Variants in FIP1L1 observed in about 807,000 individuals in gnomAD.
FIP1L1 encodes pre-mRNA 3'-end-processing factor FIP1.
Under a neutral mutation model 84.6 loss-of-function variants are expected in FIP1L1, and 21 were observed. The ratio of observed to expected loss-of-function variants is 0.25; its 90% CI spans 0.18 to 0.36. The LOEUF is 0.36. Ranked by LOEUF, FIP1L1 falls within the 10% of genes least tolerant of loss-of-function variation. FIP1L1 has a pLI of 1.00. For missense variants in FIP1L1, 526 were observed against 751.1 expected, an observed-to-expected ratio of 0.70 and a Z score of 3.50; for synonymous variants, 263 against 242.3, an observed-to-expected ratio of 1.09 and a Z score of -0.80.
At chr4:53,456,665 G>C (rs1430272268) in intron 16 of FIP1L1, among the ~76,000 whole-genome samples, 1 of 152,116 alleles carries the variant, frequency 6.6e-6, no homozygotes, top group Non-Finnish European at 1.5e-5. Context: ...CCAGAAAGAA[G>C]GCTGGTCATT....
chr4:53,426,047 A>AT, intron 12 of FIP1L1, 82 bp downstream of exon 12: 1 of 939,042 alleles, frequency 1.1e-6, no homozygotes, highest in Non-Finnish European at 1.6e-6. Context: ...ATAGATAGTC[A>AT]TAGTGCTATG....
chr4:53,388,630 C>T (rs533420940), intron 5 of FIP1L1, among the ~76,000 whole-genome samples: 10 of 152,302 alleles, frequency 6.6e-5, no homozygotes, highest in Admixed American at 2.6e-4. Flanking sequence ...CCGCCGTGCC[C>T]GGCCGTCTTA....
chr4:53,426,252 A>G (rs905416476), intron 12 of FIP1L1, among the ~76,000 whole-genome samples: 1 of 152,098 alleles, frequency 6.6e-6, no homozygotes, highest in Non-Finnish European at 1.5e-5. Context: ...AGATTTTGAA[A>G]TGTTTGGATT....
At chr4:53,411,046 C>T (rs1463365595) in intron 10 of FIP1L1, among the ~76,000 whole-genome samples, 2 of 152,110 alleles carry the variant, frequency 1.3e-5, no homozygotes. Flanking sequence ...AGTCTTGTCG[C>T]TGCTTTTTGG....
chr4:53,391,303 C>T (rs1255636835), intron 8 of FIP1L1, 127 bp from the exon 9 acceptor site: 18 of 1,161,128 alleles, frequency 1.6e-5, no homozygotes, highest in Admixed American at 6.5e-5. Flanking sequence ...TTTAGAGTTT[C>T]GTATTTAATG....
intron 12 of FIP1L1, among the ~76,000 whole-genome samples, chr4:53,426,916 C>A (rs1764575497): frequency 6.6e-6 from 1 of 151,772 alleles, no homozygotes; most frequent in South Asian, 2.1e-4. Context: ...TCCAGCTATT[C>A]ATTTTGGCCA....
At position 53,377,702 on chromosome 4, in the gene FIP1L1, C is replaced by T. The variant is rs1021195111; in HGVS notation, c.-137C>T. 1.3e-6 allele frequency: 1 copy of T among 745,470 alleles called. No homozygotes were observed. Among genetic ancestry groups the T allele is most frequent in the Non-Finnish European group, 2.0e-6 (1 of 490,644 alleles). The allele number at this position is 745,470 out of a possible 1,614,324, so 46.2% of individuals were successfully genotyped here. ...CTTTGCCGCCGCTGCCGTCGCCTTCCTGGGATTGGAGTCTCGAGCTTTCTT... is the reference window on the plus strand; with the variant it reads ...CTTTGCCGCCGCTGCCGTCGCCTTCTTGGGATTGGAGTCTCGAGCTTTCTT... On this transcript the variant is annotated 5_prime_UTR_variant, in exon 1 of 18. Transcript: ENST00000337488.
At chr4:53,403,927 A>G (rs1050109219) in intron 10 of FIP1L1, among the ~76,000 whole-genome samples, 1 of 152,062 alleles carries the variant, frequency 6.6e-6, no homozygotes, top group African/African-American at 2.4e-5. Context: ...TTTCTGGTGC[A>G]AGTTTGGCTT....
At chr4:53,417,366 C>T (rs1449286198) in intron 11 of FIP1L1, among the ~76,000 whole-genome samples, 1 of 152,030 alleles carries the variant, frequency 6.6e-6, no homozygotes, top group East Asian at 1.9e-4. Flanking sequence ...AATAGCCTGG[C>T]TGTGGTGGCT....
At chr4:53,445,187 G>T (rs187379266) in intron 15 of FIP1L1, among the ~76,000 whole-genome samples, 1 of 152,266 alleles carries the variant, frequency 6.6e-6, no homozygotes, top group African/African-American at 2.4e-5. Flanking sequence ...AGGGCTGTGT[G>T]GAACCAGTTA....
chr4:53,377,686 C>T lies in FIP1L1; in HGVS notation c.-153C>T, dbSNP rs1035114359. 20 of 651,740 alleles carry T rather than the reference C, an allele frequency of 3.1e-5. No homozygotes were observed. The South Asian group carries it at 3.4e-4, about 11-fold the overall frequency. 40.4% of individuals were successfully genotyped at this position (651,740 alleles called of 1,614,324 possible). ...GCGCTGGAGGCTTCATCTTTGCCGC[C>T]GCTGCCGTCGCCTTCCTGGGATTGG... is the stretch of plus-strand genomic sequence containing the variant. On this transcript the variant is annotated 5_prime_UTR_variant, in exon 1 of 18. Transcript: ENST00000337488.
chr4:53,440,291 A>G (rs974580100), intron 13 of FIP1L1, among the ~76,000 whole-genome samples: 10 of 152,112 alleles, frequency 6.6e-5, no homozygotes, highest in African/African-American at 2.4e-4. Flanking sequence ...ACTTCATGGC[A>G]TTTGATAATT....
intron 15 of FIP1L1, among the ~76,000 whole-genome samples, chr4:53,450,589 G>A (rs549660513): frequency 6.6e-6 from 1 of 152,312 alleles, no homozygotes; most frequent in East Asian, 1.9e-4. Flanking sequence ...GGAGGCTGAG[G>A]TGGGAAGATC....
chr4:53,454,450 C>T (rs6827269), intron 16 of FIP1L1, among the ~76,000 whole-genome samples: 105,665 of 152,106 alleles, frequency 0.69, 36,774 homozygotes, highest in Middle Eastern at 0.72. Context: ...ATACATATAC[C>T]GCAAATTTTG....
At chr4:53,414,255 T>C (rs1183617720) in intron 10 of FIP1L1, among the ~76,000 whole-genome samples, 1 of 152,082 alleles carries the variant, frequency 6.6e-6, no homozygotes, top group Non-Finnish European at 1.5e-5. Flanking sequence ...AAATTTTTAG[T>C]AAGATTTTGT....
intron 9 of FIP1L1, among the ~76,000 whole-genome samples, chr4:53,394,987 GGTGA>G (rs1415726172): frequency 6.6e-6 from 1 of 151,948 alleles, no homozygotes; most frequent in African/African-American, 2.4e-5. Flanking sequence ...GCATAATTTG[GGTGA>G]GTATTTAGCT....
chr4:53,411,765 T>C (rs1456390721), intron 10 of FIP1L1, among the ~76,000 whole-genome samples: 1 of 152,160 alleles, frequency 6.6e-6, no homozygotes, highest in Non-Finnish European at 1.5e-5. Context: ...ATGCTGGGTT[T>C]CCAACGTTCT....
intron 13 of FIP1L1, among the ~76,000 whole-genome samples, chr4:53,437,352 A>AAAAAG (rs1769808335): frequency 1.4e-5 from 2 of 139,778 alleles, no homozygotes; most frequent in African/African-American, 5.3e-5. Flanking sequence ...AAAAAAAAAA[A>AAAAAG]AGAGAGAGAA....
intron 11 of FIP1L1, among the ~76,000 whole-genome samples, chr4:53,417,802 C>T (rs1760467622): frequency 2.0e-5 from 2 of 99,492 alleles, no homozygotes. Context: ...CTCTCTCTCT[C>T]TCTCTCTCTC....
Sources: gnomAD v4.1 joint callset for allele counts (sites outside exome capture counted in the v4.1 genomes callset) on GRCh38, gnomAD v4.1.1 for gene constraint, MANE v1.5 for transcripts, NCBI Gene and HGNC (gene_info 2026-07-23, HGNC 2026-07-21) for gene names.